Variants in FBN2 observed in about 807,000 individuals in gnomAD.
FBN2 encodes the protein fibrillin-2.
In FBN2, 105 loss-of-function variants were observed where a neutral mutation model predicts 355.6. That is an observed-to-expected ratio of 0.30 (90% CI 0.25 to 0.35). The LOEUF (loss-of-function observed/expected upper bound fraction) is 0.35. Ranked by LOEUF, FBN2 falls within the 10% of genes least tolerant of loss-of-function variation. FBN2 has a pLI of 1.00. For synonymous variants in FBN2, 1,350 were observed against 1,301.2 expected, an observed-to-expected ratio of 1.04 and a Z score of -0.81; for missense variants, 3,280 against 3,758.7, an observed-to-expected ratio of 0.87 and a Z score of 3.33.
chr5:128,360,461 G>A (rs543128959), intron 19 of FBN2, among the ~76,000 whole-genome samples: 15 of 152,264 alleles, frequency 9.9e-5, no homozygotes, highest in Middle Eastern at 3.4e-3. Flanking sequence ...GGAATGGAAT[G>A]AGCACTCCTC....
At chr5:128,454,195 C>A (rs1017790914) in intron 6 of FBN2, among the ~76,000 whole-genome samples, 2 of 152,234 alleles carry the variant, frequency 1.3e-5, no homozygotes, top group African/African-American at 4.8e-5. Flanking sequence ...GACTTCCCAA[C>A]AGCTACATGT....
At chr5:128,272,744 C>T (rs534875317) in intron 61 of FBN2, among the ~76,000 whole-genome samples, 11 of 151,466 alleles carry the variant, frequency 7.3e-5, no homozygotes, top group African/African-American at 1.2e-4. Flanking sequence ...GAATGACAAC[C>T]GAATATTTGA....
At chr5:128,449,217 C>A (rs1159638646) in intron 6 of FBN2, among the ~76,000 whole-genome samples, 1 of 149,990 alleles carries the variant, frequency 6.7e-6, no homozygotes, top group Non-Finnish European at 1.5e-5. Context: ...ACAACAATAA[C>A]ATGAAAAATT....
At chr5:128,510,389 C>T (rs6898719) in intron 5 of FBN2, among the ~76,000 whole-genome samples, 4,652 of 152,326 alleles carry the variant, frequency 0.031, 250 homozygotes, top group African/African-American at 0.11. Flanking sequence ...TGTAGCACAA[C>T]CTGGAAAAAC....
intron 5 of FBN2, among the ~76,000 whole-genome samples, chr5:128,513,862 T>C (rs1196028365): frequency 6.6e-6 from 1 of 152,134 alleles, no homozygotes; most frequent in Non-Finnish European, 1.5e-5. Flanking sequence ...TTTCCCTCTG[T>C]TCTTAATGGC....
intron 5 of FBN2, among the ~76,000 whole-genome samples, chr5:128,504,380 G>A (rs1755898112): frequency 6.6e-6 from 1 of 152,080 alleles, no homozygotes; most frequent in African/African-American, 2.4e-5. Context: ...TGTACTGTGT[G>A]CCTAGAAAAG....
chr5:128,302,184 G>C (rs757200891), intron 46 of FBN2, among the ~76,000 whole-genome samples: 1 of 152,196 alleles, frequency 6.6e-6, no homozygotes, highest in African/African-American at 2.4e-5. Context: ...GGTTAAATGA[G>C]GACGTGGGGA....
chr5:128,398,941 G>T (rs745855858), intron 8 of FBN2, among the ~76,000 whole-genome samples: 8 of 152,116 alleles, frequency 5.3e-5, no homozygotes, highest in African/African-American at 1.9e-4. Context: ...TGAATGTGAG[G>T]CCTCCCCAGC....
intron 5 of FBN2, among the ~76,000 whole-genome samples, chr5:128,506,111 T>A (rs994849713): frequency 1.3e-5 from 2 of 152,200 alleles, no homozygotes; most frequent in Non-Finnish European, 2.9e-5. Flanking sequence ...TAGAATGACA[T>A]CTCATTGTGA....
chr5:128,506,829 A>C (rs1405172170), intron 5 of FBN2, among the ~76,000 whole-genome samples: 1 of 152,068 alleles, frequency 6.6e-6, no homozygotes, highest in Non-Finnish European at 1.5e-5. Context: ...TTGGCATCAG[A>C]ATTTGTCAAA....
intron 15 of FBN2, among the ~76,000 whole-genome samples, chr5:128,373,745 G>A (rs368020831): frequency 9.2e-5 from 14 of 152,118 alleles, no homozygotes; most frequent in African/African-American, 1.7e-4. Flanking sequence ...GTTCCCAAAC[G>A]CCAGTGACGC....
At chr5:128,445,661 A>G (rs1754044653) in intron 7 of FBN2, among the ~76,000 whole-genome samples, 1 of 152,202 alleles carries the variant, frequency 6.6e-6, no homozygotes. Flanking sequence ...TATTGCCTTT[A>G]GAAAACTGCC....
chr5:128,518,531 T>G (rs1471491843), intron 5 of FBN2, among the ~76,000 whole-genome samples: 1 of 152,084 alleles, frequency 6.6e-6, no homozygotes, highest in Non-Finnish European at 1.5e-5. Context: ...CAGGTCCTGG[T>G]AAGTCTACAT....
chr5:128,378,874 T>A lies in FBN2; in HGVS notation c.1620A>T (p.Thr540=), dbSNP rs186621327. 6.2e-6 allele frequency: 10 copies of A among 1,613,036 alleles called. 1 individual carries two copies. The African/African-American group carries it at 1.1e-4, about 17-fold the overall frequency. ...AATCTCCATTAGTGCAGGGATTTGATGTGCATTCATCAACATCTGTGAGCA... is the reference window on the plus strand; with the variant it reads ...AATCTCCATTAGTGCAGGGATTTGAAGTGCATTCATCAACATCTGTGAGCA... The part of the protein sequence containing the change: ...NGDCIDVDEC[T]SNPCTNGDCV... Residue 540 remains threonine (T), a synonymous_variant, in exon 12 of 65, where the codon ACA becomes ACT. Transcript: ENST00000262464.
chr5:128,356,995 G>A (rs980997604), intron 20 of FBN2, among the ~76,000 whole-genome samples: 127 of 152,042 alleles, frequency 8.4e-4, no homozygotes, highest in African/African-American at 2.8e-3. Flanking sequence ...TTAGGGTAAC[G>A]GATATACATA....
chr5:128,337,635 G>A (rs1224415887), intron 27 of FBN2, among the ~76,000 whole-genome samples: 3 of 152,236 alleles, frequency 2.0e-5, no homozygotes, highest in Non-Finnish European at 2.9e-5. Flanking sequence ...GGGGCGTAGA[G>A]CGGAGTCTGC....
intron 6 of FBN2, among the ~76,000 whole-genome samples, chr5:128,450,614 G>C (rs887216233): frequency 1.3e-5 from 2 of 151,978 alleles, no homozygotes; most frequent in African/African-American, 4.8e-5. Flanking sequence ...AATGATCTCA[G>C]TTTCCATATT....
chr5:128,327,508 G>A (rs1750583751), intron 34 of FBN2, among the ~76,000 whole-genome samples: 1 of 151,758 alleles, frequency 6.6e-6, no homozygotes, highest in East Asian at 1.9e-4. Flanking sequence ...ATTCTGGTTA[G>A]ATACTGATGT....
At chr5:128,357,213 G>T (rs1324450002) in intron 20 of FBN2, 63 bp downstream of exon 20, 3 of 1,595,782 alleles carry the variant, frequency 1.9e-6, no homozygotes, top group Non-Finnish European at 2.6e-6. Context: ...CCGTAGTAAG[G>T]CCTGAGATCT....
Sources: allele counts gnomAD v4.1 joint callset (sites outside exome capture counted in the v4.1 genomes callset), GRCh38; gene constraint gnomAD v4.1.1; transcripts MANE v1.5; gene names NCBI Gene and HGNC (gene_info 2026-07-23, HGNC 2026-07-21).